Variants in UNCX observed in about 807,000 individuals in gnomAD.
The protein encoded by UNCX is homeobox protein unc-4 homolog.
In UNCX, 4 loss-of-function variants were observed where a neutral mutation model predicts 14.8. The ratio of observed to expected loss-of-function variants is 0.27; its 90% CI spans 0.13 to 0.62. UNCX has a LOEUF of 0.62. Among genes scored for constraint, UNCX ranks in the 20% least tolerant of loss-of-function variants. The pLI, the probability that UNCX is intolerant of heterozygous loss-of-function variation, is 0.86. For synonymous variants in UNCX, 459 were observed against 395.8 expected, an observed-to-expected ratio of 1.16 and a Z score of -1.90; for missense variants, 749 against 786.8, an observed-to-expected ratio of 0.95 and a Z score of 0.58.
intron 2 of UNCX, among the ~76,000 whole-genome samples, chr7:1,235,469 AG>A (rs1364261708): frequency 1.3e-5 from 2 of 152,208 alleles, no homozygotes; most frequent in Non-Finnish European, 2.9e-5. Context: ...GTGAGCGGCC[AG>A]GAAGGGTGAA....
chr7:1,237,008 G>T lies in UNCX; in HGVS notation c.*31G>T. On this transcript the variant is annotated 3_prime_UTR_variant, in exon 3 of 3. Coordinates refer to ENST00000316333, the MANE Select transcript of UNCX (RefSeq NM_001080461.3). This position sits in a 1 kb window ranked among gnomAD's most constrained non-coding sequence, Gnocchi z 5.8. ...CGGCGGCCGGGAGAGGCGCGTAGCC[G>T]GCCCGCGGCCGCTCGCTCAGGCTCC... 3 of 1,160,546 alleles carry T rather than the reference G, an allele frequency of 2.6e-6. No homozygotes were observed. Among genetic ancestry groups the T allele is most frequent in the Non-Finnish European group, 2.1e-6 (2 of 941,780 alleles). The allele number at this position is 1,160,546 out of a possible 1,614,324, so 71.9% of individuals were successfully genotyped here.
At chr7:1,235,329 C>T (rs1778717513) in intron 2 of UNCX, among the ~76,000 whole-genome samples, 2 of 152,268 alleles carry the variant, frequency 1.3e-5, no homozygotes, top group South Asian at 2.1e-4. Context: ...ATTCCGCCCC[C>T]ACCCCCGAAA....
At position 1,235,974 on chromosome 7, in the gene UNCX, A is replaced by C. The variant is rs1778731239; in HGVS notation, c.593A>C (p.Glu198Ala). 1.2e-6 allele frequency: 2 copies of C among 1,610,990 alleles called. No homozygotes were observed. The highest frequency in any genetic ancestry group is 1.7e-6 in the Non-Finnish European group (2 of 1,179,198). Residue 198 changes from glutamate (E) to alanine (A), a missense_variant, in exon 3 of 3, where the codon GAG becomes GCG. Glu to Ala is a moderately radical substitution (Grantham distance 107). Around this residue, in one of 3 missense-constraint regions of UNCX, gnomAD observed 552 missense variants for 507.2 expected, o/e 1.09. Coordinates refer to ENST00000316333, the MANE Select transcript of UNCX (RefSeq NM_001080461.3). ...GAGGAGATCGCGCGCAAGGAGCTGG[A>C]GAAGATGGAGAAGAAGAAGCGCAAG... Reference protein sequence around the residue: ...DPEEIARKELEKMEKKKRKHE... With the variant: ...DPEEIARKELAKMEKKKRKHE...
In UNCX at chr7:1,236,022, G is replaced by T; in HGVS notation, c.641G>T (p.Ser214Ile). The T allele has an allele frequency of 6.2e-7, 1 of 1,605,542 alleles. No individual in the cohort carries two copies. The highest frequency in any genetic ancestry group is 8.5e-7 in the Non-Finnish European group (1 of 1,177,158). ...AAGCACGAGAAGAAGCTGCTGAAGA[G>T]CCAGGGCCGCCACTTGCACTCGCCC... ...KRKHEKKLLK[S>I]QGRHLHSPGG... Residue 214 changes from serine to isoleucine, a missense_variant, in exon 3 of 3, where the codon AGC becomes ATC. Physicochemically the swap from Ser to Ile is moderately radical, Grantham distance 142. Around this residue, in one of 3 missense-constraint regions of UNCX, gnomAD observed 552 missense variants for 507.2 expected, o/e 1.09. Coordinates refer to ENST00000316333, the MANE Select transcript of UNCX (RefSeq NM_001080461.3). The surrounding 1 kb of genome is among the most constrained non-coding windows in gnomAD (Gnocchi z 6.9).
At position 1,236,461 on chromosome 7, in the gene UNCX, C is replaced by T. The variant is rs1004263056; in HGVS notation, c.1080C>T (p.Asp360=). 3.6e-5 allele frequency: 49 copies of T among 1,379,084 alleles called. No homozygotes were observed. The highest frequency in any genetic ancestry group is 4.2e-5 in the Non-Finnish European group (45 of 1,064,672). The allele number at this position is 1,379,084 out of a possible 1,614,324, so 85.4% of individuals were successfully genotyped here. Residue 360 remains aspartate, a synonymous_variant, in exon 3 of 3, where the codon GAC becomes GAT. Transcript: ENST00000316333. This position sits in a 1 kb window ranked among gnomAD's most constrained non-coding sequence, Gnocchi z 6.9. ...CCGCCGCCGCCGCCGCGGGGCTGGACTTCGCGCCCGGGCTGCCGTGCGCGC... is the reference window on the plus strand; with the variant it reads ...CCGCCGCCGCCGCCGCGGGGCTGGATTTCGCGCCCGGGCTGCCGTGCGCGC... The part of the protein sequence containing the change: ...NAAAAAAAGL[D]FAPGLPCAPR...
Position 1,236,935 on chromosome 7 carries a change from C to T in UNCX, c.1554C>T (p.Ala518=). Residue 518 remains alanine (A), a synonymous_variant, in exon 3 of 3, where the codon GCC becomes GCT. Transcript: ENST00000316333. The surrounding 1 kb of genome is among the most constrained non-coding windows in gnomAD (Gnocchi z 6.9). ...TCGVPEPGAA[A]GPSPPEGEEL... The stretch of plus-strand genomic sequence containing the variant: ...GGGTTCCCGAGCCTGGCGCGGCGGC[C>T]GGACCCAGCCCGCCGGAGGGCGAGG... The T allele has an allele frequency of 1.7e-6, 2 of 1,195,496 alleles. No homozygotes were observed. The highest frequency in any genetic ancestry group is 2.1e-6 in the Non-Finnish European group (2 of 964,442). 74.1% of individuals were successfully genotyped at this position (1,195,496 alleles called of 1,614,324 possible).
chr7:1,236,587 G>A lies in UNCX; in HGVS notation c.1206G>A (p.Leu402=). 8.3e-7 allele frequency: 1 copy of A among 1,210,736 alleles called. No homozygotes were observed. The highest frequency in any genetic ancestry group is 4.4e-5 in the East Asian group (1 of 22,804). 75.0% of individuals were successfully genotyped at this position (1,210,736 alleles called of 1,614,324 possible). A position where few individuals can be genotyped will look rare whatever the true frequency, so the allele number is the denominator to read the frequency against. The part of the protein sequence containing the change: ...PQAALKGGAG[L]EPAPKDAPPA... ...CCGCGCTCAAGGGCGGCGCGGGCCT[G>A]GAGCCGGCGCCCAAGGACGCGCCGC... The change falls in exon 3 of 3, where the codon CTG becomes CTA. Residue 402 remains leucine (L), a synonymous_variant. Coordinates refer to ENST00000316333, the MANE Select transcript of UNCX (RefSeq NM_001080461.3). The surrounding 1 kb of genome is among the most constrained non-coding windows in gnomAD (Gnocchi z 6.9).
In UNCX at chr7:1,233,110, C is replaced by A; in HGVS notation, c.93C>A (p.His31Gln). ...VVGFPYPLGH[H>Q]HVYELAGHQL... Reference sequence around the variant, plus strand: ...GCTTCCCCTACCCGCTGGGCCACCACCACGTGTACGAGCTGGCCGGGCACC... The same window carrying A: ...GCTTCCCCTACCCGCTGGGCCACCAACACGTGTACGAGCTGGCCGGGCACC... Residue 31 changes from histidine to glutamine, a missense_variant, in exon 1 of 3, where the codon CAC becomes CAA. Around this residue, in one of 3 missense-constraint regions of UNCX, gnomAD observed 155 missense variants for 166.7 expected, o/e 0.93. Coordinates refer to ENST00000316333, the MANE Select transcript of UNCX (RefSeq NM_001080461.3). The surrounding 1 kb of genome is among the most constrained non-coding windows in gnomAD (Gnocchi z 5.3). The A allele has an allele frequency of 6.8e-7, 1 of 1,463,972 alleles. No individual in the cohort carries two copies. The highest frequency in any genetic ancestry group is 9.0e-7 in the Non-Finnish European group (1 of 1,111,432). 90.7% of individuals were successfully genotyped at this position (1,463,972 alleles called of 1,614,324 possible). A position where few individuals can be genotyped will look rare whatever the true frequency, so the allele number is the denominator to read the frequency against.
Position 1,235,973 on chromosome 7 carries a change from G to A in UNCX, c.592G>A (p.Glu198Lys). 1 of 1,611,090 alleles carries A rather than the reference G, an allele frequency of 6.2e-7. No individual in the cohort carries two copies. ...GGAGGAGATCGCGCGCAAGGAGCTG[G>A]AGAAGATGGAGAAGAAGAAGCGCAA... is the stretch of plus-strand genomic sequence containing the variant. ...DPEEIARKEL[E>K]KMEKKKRKHE... is the part of the protein sequence containing the mutation. The change falls in exon 3 of 3, where the codon GAG becomes AAG. Residue 198 changes from glutamate to lysine, a missense_variant. By Grantham distance (56) the Glu-to-Lys change is moderately conservative (BLOSUM62 1). Coordinates refer to ENST00000316333, the MANE Select transcript of UNCX (RefSeq NM_001080461.3).
In UNCX at chr7:1,233,004, G is replaced by A. The variant is rs779538939; in HGVS notation, c.-14G>A. 4 of 1,200,210 alleles carry A rather than the reference G, an allele frequency of 3.3e-6. No homozygotes were observed. Among genetic ancestry groups the A allele is most frequent in the South Asian group, 3.6e-5 (1 of 27,528 alleles). The allele number at this position is 1,200,210 out of a possible 1,614,324, so 74.3% of individuals were successfully genotyped here. A position where few individuals can be genotyped will look rare whatever the true frequency, so the allele number is the denominator to read the frequency against. ...CCGCGCCCCGCCACCGGCCCCGCCG[G>A]CCCCCCGCGCGAGATGATGGACGGC... is the stretch of plus-strand genomic sequence containing the variant. On this transcript the variant is annotated 5_prime_UTR_variant, in exon 1 of 3. Transcript: ENST00000316333. The surrounding 1 kb of genome is among the most constrained non-coding windows in gnomAD (Gnocchi z 5.3).
rs1461695560 is a variant in UNCX at position 1,236,422 on chromosome 7, C to A, written c.1041C>A (p.Ala347=). 1.5e-6 allele frequency: 2 copies of A among 1,367,312 alleles called. No individual in the cohort carries two copies. The allele number at this position is 1,367,312 out of a possible 1,614,324, so 84.7% of individuals were successfully genotyped here. ...LLSDSPPRRK[A]ASNAAAAAAA... Reference sequence around the variant, plus strand: ...CCGACTCGCCGCCGCGCCGGAAAGCCGCTTCCAACGCCGCCGCCGCCGCCG... The same window carrying A: ...CCGACTCGCCGCCGCGCCGGAAAGCAGCTTCCAACGCCGCCGCCGCCGCCG... Residue 347 remains alanine, a synonymous_variant, in exon 3 of 3, where the codon GCC becomes GCA. Transcript: ENST00000316333. This position sits in a 1 kb window ranked among gnomAD's most constrained non-coding sequence, Gnocchi z 6.9.
chr7:1,236,441 G>T lies in UNCX; in HGVS notation c.1060G>T (p.Ala354Ser). The change falls in exon 3 of 3, where the codon GCC becomes TCC. Residue 354 changes from alanine to serine, a missense_variant. Ala to Ser is a moderately conservative substitution (Grantham distance 99, BLOSUM62 1). Around this residue, in one of 3 missense-constraint regions of UNCX, gnomAD observed 552 missense variants for 507.2 expected, o/e 1.09. Transcript: ENST00000316333. This position sits in a 1 kb window ranked among gnomAD's most constrained non-coding sequence, Gnocchi z 6.9. ...RRKAASNAAA[A>S]AAAGLDFAPG... ...GAAAGCCGCTTCCAACGCCGCCGCCGCCGCCGCCGCGGGGCTGGACTTCGC... is the reference window on the plus strand; with the variant it reads ...GAAAGCCGCTTCCAACGCCGCCGCCTCCGCCGCCGCGGGGCTGGACTTCGC... The T allele has an allele frequency of 7.3e-7, 1 of 1,363,916 alleles. No individual in the cohort carries two copies. The highest frequency in any genetic ancestry group is 9.4e-7 in the Non-Finnish European group (1 of 1,058,576). 84.5% of individuals were successfully genotyped at this position (1,363,916 alleles called of 1,614,324 possible). A position where few individuals can be genotyped will look rare whatever the true frequency, so the allele number is the denominator to read the frequency against.
At position 1,232,987 on chromosome 7, in the gene UNCX, C is replaced by A; in HGVS notation, c.-31C>A. ...GGCCCCGGCCCGCGCCCCCGCGCCC[C>A]GCCACCGGCCCCGCCGGCCCCCCGC... On this transcript the variant is annotated 5_prime_UTR_variant, in exon 1 of 3. Coordinates refer to ENST00000316333, the MANE Select transcript of UNCX (RefSeq NM_001080461.3). 3.5e-6 allele frequency: 4 copies of A among 1,133,882 alleles called. No homozygotes were observed. Among genetic ancestry groups the A allele is most frequent in the Non-Finnish European group, 4.3e-6 (4 of 924,440 alleles). The allele number at this position is 1,133,882 out of a possible 1,614,324, so 70.2% of individuals were successfully genotyped here.
chr7:1,236,050 C>A lies in UNCX; in HGVS notation c.669C>A (p.Gly223=). The change falls in exon 3 of 3, where the codon GGC becomes GGA. Residue 223 remains glycine, a synonymous_variant. Coordinates refer to ENST00000316333, the MANE Select transcript of UNCX (RefSeq NM_001080461.3). This position sits in a 1 kb window ranked among gnomAD's most constrained non-coding sequence, Gnocchi z 6.9. ...KSQGRHLHSP[G]GLSLHSAPSS... ...AGGGCCGCCACTTGCACTCGCCCGG[C>A]GGCCTGTCCCTGCACAGCGCGCCCA... 1 of 1,600,978 alleles carries A rather than the reference C, an allele frequency of 6.2e-7. No homozygotes were observed. The highest frequency in any genetic ancestry group is 8.5e-7 in the Non-Finnish European group (1 of 1,174,950).
At position 1,236,009 on chromosome 7, in the gene UNCX, A is replaced by C. The variant is rs780102279; in HGVS notation, c.628A>C (p.Lys210Gln). The change falls in exon 3 of 3, where the codon AAG (lysine) becomes CAG (glutamine). Residue 210 changes from lysine to glutamine, a missense_variant. Around this residue, in one of 3 missense-constraint regions of UNCX, gnomAD observed 552 missense variants for 507.2 expected, o/e 1.09. Transcript: ENST00000316333. The surrounding 1 kb of genome is among the most constrained non-coding windows in gnomAD (Gnocchi z 6.9). ...GAAGAAGAAGCGCAAGCACGAGAAG[A>C]AGCTGCTGAAGAGCCAGGGCCGCCA... is the stretch of plus-strand genomic sequence containing the variant. ...MEKKKRKHEK[K>Q]LLKSQGRHLH... 56 of 1,607,606 alleles carry C rather than the reference A, an allele frequency of 3.5e-5. No homozygotes were observed. Among genetic ancestry groups the C allele is most frequent in the Non-Finnish European group, 4.4e-5 (52 of 1,178,034 alleles).
rs2128272978 is a variant in UNCX at position 1,236,611 on chromosome 7, G to C, written c.1230G>C (p.Pro410=). 6.4e-6 allele frequency: 7 copies of C among 1,089,730 alleles called. No individual in the cohort carries two copies. The highest frequency in any genetic ancestry group is 6.6e-6 in the Non-Finnish European group (6 of 904,392). The allele number at this position is 1,089,730 out of a possible 1,614,324, so 67.5% of individuals were successfully genotyped here. The change falls in exon 3 of 3, where the codon CCG becomes CCC. Residue 410 remains proline, a synonymous_variant. Transcript: ENST00000316333. This position sits in a 1 kb window ranked among gnomAD's most constrained non-coding sequence, Gnocchi z 6.9. ...AGLEPAPKDA[P]PAPAVPPAPP... The stretch of plus-strand genomic sequence containing the variant: ...TGGAGCCGGCGCCCAAGGACGCGCC[G>C]CCCGCGCCCGCCGTGCCGCCCGCGC...
chr7:1,236,918 G>C lies in UNCX; in HGVS notation c.1537G>C (p.Glu513Gln), dbSNP rs1778757826. 1 of 1,182,228 alleles carries C rather than the reference G, an allele frequency of 8.5e-7. No individual in the cohort carries two copies. Among genetic ancestry groups the C allele is most frequent in the East Asian group, 3.6e-5 (1 of 27,458 alleles). The allele number at this position is 1,182,228 out of a possible 1,614,324, so 73.2% of individuals were successfully genotyped here. A position where few individuals can be genotyped will look rare whatever the true frequency, so the allele number is the denominator to read the frequency against. ...GGAGCCGGCCACCTGCGGGGTTCCC[G>C]AGCCTGGCGCGGCGGCCGGACCCAG... The part of the protein sequence containing the change: ...AEEPATCGVP[E>Q]PGAAAGPSPP... Residue 513 changes from glutamate to glutamine, a missense_variant, in exon 3 of 3, where the codon GAG becomes CAG. By Grantham distance (29) the Glu-to-Gln change is conservative (BLOSUM62 2). Around this residue, in one of 3 missense-constraint regions of UNCX, gnomAD observed 552 missense variants for 507.2 expected, o/e 1.09. Transcript: ENST00000316333. The surrounding 1 kb of genome is among the most constrained non-coding windows in gnomAD (Gnocchi z 6.9).
Position 1,233,758 on chromosome 7 carries a change from C to A in UNCX, c.450+63C>A. 9.1e-6 allele frequency: 14 copies of A among 1,531,866 alleles called. No individual in the cohort carries two copies. The highest frequency in any genetic ancestry group is 5.9e-5 in the Admixed American group (3 of 50,538). The allele number at this position is 1,531,866 out of a possible 1,614,324, so 94.9% of individuals were successfully genotyped here. A position where few individuals can be genotyped will look rare whatever the true frequency, so the allele number is the denominator to read the frequency against. On this transcript the variant is annotated intron_variant, in intron 2 of 2. Coordinates refer to ENST00000316333, the MANE Select transcript of UNCX (RefSeq NM_001080461.3). The surrounding 1 kb of genome is among the most constrained non-coding windows in gnomAD (Gnocchi z 5.3). ...ACCCCAGGCTCTGGGCGCGCCGGGA[C>A]GCCTTTGTTCCAGGTGGCGAGATAT...
chr7:1,232,999 C>G lies in UNCX; in HGVS notation c.-19C>G. 8.4e-7 allele frequency: 1 copy of G among 1,185,926 alleles called. No individual in the cohort carries two copies. The highest frequency in any genetic ancestry group is 1.0e-6 in the Non-Finnish European group (1 of 958,104). The allele number at this position is 1,185,926 out of a possible 1,614,324, so 73.5% of individuals were successfully genotyped here. On this transcript the variant is annotated 5_prime_UTR_variant, in exon 1 of 3. Transcript: ENST00000316333. Reference sequence around the variant, plus strand: ...CGCCCCCGCGCCCCGCCACCGGCCCCGCCGGCCCCCCGCGCGAGATGATGG... The same window carrying G: ...CGCCCCCGCGCCCCGCCACCGGCCCGGCCGGCCCCCCGCGCGAGATGATGG...
Sources: gnomAD v4.1 joint callset for allele counts (sites outside exome capture counted in the v4.1 genomes callset) on GRCh38, gnomAD v4.1.1 for gene constraint, gnomAD v4.1.1 regional missense constraint, Gnocchi (gnomAD v3.1) non-coding constraint, MANE v1.5 for transcripts, NCBI Gene and HGNC (gene_info 2026-07-23, HGNC 2026-07-21) for gene names.